The following MIA2 variants were observed in gnomAD, a reference collection of about 807,000 sequenced individuals.
The protein encoded by MIA2 is MIA SH3 domain ER export factor 2.
A neutral mutation model predicts 167.8 loss-of-function variants in MIA2; 127 were observed. That is an observed-to-expected ratio of 0.76 (90% CI 0.66 to 0.88). MIA2 has a LOEUF of 0.88. MIA2 is among the 40% of genes least tolerant of loss of function. MIA2 has a pLI of 0.00. For missense variants in MIA2, 1,690 were observed against 1,624.7 expected, an observed-to-expected ratio of 1.04 and a Z score of -0.69; for synonymous variants, 552 against 541.9, an observed-to-expected ratio of 1.02 and a Z score of -0.26.
In MIA2 at chr14:39,311,244, A is replaced by G. The variant is rs139488707; in HGVS notation, c.3018-2096A>G. 8.3e-3 allele frequency among the ~76,000 whole-genome samples: 1,267 copies of G among 152,266 alleles called. 78 individuals carry two copies. The highest frequency in any genetic ancestry group is 0.078 in the Admixed American group (1,199 of 15,284). On this transcript the variant is annotated intron_variant, in intron 18 of 28. Coordinates refer to ENST00000640607, the MANE Select transcript of MIA2 (RefSeq NM_001329214.4). ...CTTATATTTAACTAGCAAGTAGTTT[A>G]TATTACTGAAATTCAATGAATTATG... is the stretch of plus-strand genomic sequence containing the variant.
At chr14:39,345,383 T>C (rs2073015251) in intron 25 of MIA2, among the ~76,000 whole-genome samples, 1 of 152,212 alleles carries the variant, frequency 6.6e-6, no homozygotes, top group Admixed American at 6.5e-5. Context: ...TCTTTCCATT[T>C]GGTTTGGAAT....
intron 10 of MIA2, among the ~76,000 whole-genome samples, chr14:39,291,329 A>G (rs1329156901): frequency 6.6e-6 from 1 of 152,174 alleles, no homozygotes; most frequent in African/African-American, 2.4e-5. Flanking sequence ...TGAGTCAGGC[A>G]TGTTTATGTT....
chr14:39,283,175 C>T (rs1245637816), intron 9 of MIA2, among the ~76,000 whole-genome samples: 1 of 152,164 alleles, frequency 6.6e-6, no homozygotes, highest in Non-Finnish European at 1.5e-5. Flanking sequence ...ATACTGGCTA[C>T]TGTGAATAAT....
At chr14:39,303,675 C>T in intron 16 of MIA2, 151 bp downstream of exon 16, 2 of 543,218 alleles carry the variant, frequency 3.7e-6, no homozygotes, top group Non-Finnish European at 3.2e-6. Context: ...ATTGCTTTTT[C>T]CTTTCAATTA....
downstream of MIA2, chr14:39,350,885 A>G (rs1459808488): frequency 2.6e-5 from 4 of 152,202 alleles, no homozygotes; most frequent in East Asian, 7.7e-4. Flanking sequence ...AAAGATAACC[A>G]GGATATTATC....
intron 26 of MIA2, chr14:39,347,452 GTCT>G (rs1273373965): frequency 2.3e-6 from 1 of 434,378 alleles, no homozygotes; most frequent in Non-Finnish European, 4.1e-6. Flanking sequence ...CCTCCCAGAT[GTCT>G]TCTTAGCATT....
At chr14:39,250,272 C>T (rs935830159) in intron 4 of MIA2, among the ~76,000 whole-genome samples, 39 of 152,124 alleles carry the variant, frequency 2.6e-4, no homozygotes, top group African/African-American at 8.9e-4. Context: ...AAATCACTTT[C>T]GTACATTTTA....
At position 39,247,096 on chromosome 14, in the gene MIA2, T is replaced by A; in HGVS notation, c.522T>A (p.Phe174Leu). ...ATGCAACTTATGAAAGTACTTTGTTTGAAGACCAAGTTCCAGCATTAGAGG... is the reference window on the plus strand; with the variant it reads ...ATGCAACTTATGAAAGTACTTTGTTAGAAGACCAAGTTCCAGCATTAGAGG... The part of the protein sequence containing the change: ...GFYATYESTL[F>L]EDQVPALEAP... The change falls in exon 4 of 29, where the codon TTT (phenylalanine) becomes TTA (leucine). Residue 174 changes from phenylalanine to leucine, a missense_variant. By Grantham distance (22) the Phe-to-Leu change is conservative (BLOSUM62 0). Coordinates refer to ENST00000640607, the MANE Select transcript of MIA2 (RefSeq NM_001329214.4). 1 of 1,608,742 alleles carries A rather than the reference T, an allele frequency of 6.2e-7. No individual in the cohort carries two copies. Among genetic ancestry groups the A allele is most frequent in the Non-Finnish European group, 8.5e-7 (1 of 1,178,736 alleles).
At chr14:39,291,146 G>C (rs771198897) in intron 10 of MIA2, 50 bp downstream of exon 10, 1 of 1,495,440 alleles carries the variant, frequency 6.7e-7, no homozygotes, top group East Asian at 2.3e-5. Context: ...AAAATACTAA[G>C]TAACAAAAAC....
intron 9 of MIA2, among the ~76,000 whole-genome samples, chr14:39,289,008 C>A (rs569666398): frequency 6.6e-6 from 1 of 151,920 alleles, no homozygotes; most frequent in African/African-American, 2.4e-5. Context: ...GGAAATATTC[C>A]CTCCTGTTGT....
chr14:39,323,736 G>A (rs1373484423), intron 24 of MIA2, among the ~76,000 whole-genome samples: 4 of 152,152 alleles, frequency 2.6e-5, no homozygotes, highest in Admixed American at 2.6e-4. Context: ...CTGCAAATAT[G>A]AGTCACTGGA....
intron 9 of MIA2, among the ~76,000 whole-genome samples, chr14:39,285,610 G>T (rs1205055805): frequency 2.1e-4 from 4 of 19,266 alleles, no homozygotes; most frequent in South Asian, 1.5e-3. Context: ...CTGGCCGGGC[G>T]GGGGCTGCCC....
At chr14:39,353,405 A>G (rs1331318200), downstream of MIA2, among the ~76,000 whole-genome samples, 1 of 152,138 alleles carries the variant, frequency 6.6e-6, no homozygotes, top group East Asian at 1.9e-4. Context: ...ACATGAGATT[A>G]AGTTTTTTAA....
intron 6 of MIA2, among the ~76,000 whole-genome samples, chr14:39,256,786 A>G (rs533502085): frequency 3.3e-5 from 5 of 152,308 alleles, no homozygotes; most frequent in Admixed American, 6.5e-5. Flanking sequence ...AAAAGAAAAT[A>G]TAGAACAAGC....
intron 17 of MIA2, among the ~76,000 whole-genome samples, 200 bp downstream of exon 17, chr14:39,304,581 A>T (rs2063033915): frequency 6.6e-6 from 1 of 152,054 alleles, no homozygotes; most frequent in African/African-American, 2.4e-5. Context: ...TTTCCTCTGT[A>T]TTTATGTGAA....
intron 25 of MIA2, among the ~76,000 whole-genome samples, chr14:39,339,509 T>C (rs1168292975): frequency 2.0e-5 from 3 of 152,224 alleles, no homozygotes; most frequent in African/African-American, 7.2e-5. Flanking sequence ...TTAGGATCTA[T>C]GTGCTATAGT....
intron 6 of MIA2, chr14:39,267,080 G>A (rs1299933817): frequency 1.5e-5 from 16 of 1,095,456 alleles, no homozygotes; most frequent in Non-Finnish European, 1.7e-5. Flanking sequence ...ACCCGGACAC[G>A]TCTGCGAAGC....
At chr14:39,383,760 G>T (rs145926880) in intron 23 of MIA2, among the ~76,000 whole-genome samples, 74 of 152,276 alleles carry the variant, frequency 4.9e-4, no homozygotes, top group African/African-American at 1.7e-3. Context: ...TAGTGGTCTG[G>T]ATAGAAGATG....
chr14:39,289,989 G>A (rs1285435672), intron 9 of MIA2, among the ~76,000 whole-genome samples: 2 of 152,036 alleles, frequency 1.3e-5, no homozygotes, highest in African/African-American at 4.8e-5. Flanking sequence ...AGGACCCTTG[G>A]CATTATATTG....
Sources: allele counts gnomAD v4.1 joint callset (sites outside exome capture counted in the v4.1 genomes callset), GRCh38; gene constraint gnomAD v4.1.1; transcripts MANE v1.5; gene names NCBI Gene and HGNC (gene_info 2026-07-23, HGNC 2026-07-21).